The following LRRTM4 variants were observed in gnomAD, a reference collection of about 807,000 sequenced individuals.
LRRTM4 encodes the protein leucine rich repeat transmembrane neuronal 4.
A neutral mutation model predicts 47.6 loss-of-function variants in LRRTM4; 25 were observed. That is an observed-to-expected ratio of 0.53 (90% CI 0.38 to 0.73). The LOEUF is 0.73. Ranked by LOEUF, LRRTM4 falls within the 30% of genes least tolerant of loss-of-function variation. The pLI is 0.00. For missense variants in LRRTM4, 638 were observed against 713.4 expected, an observed-to-expected ratio of 0.89 and a Z score of 1.20; for synonymous variants, 311 against 269.5, an observed-to-expected ratio of 1.15 and a Z score of -1.51.
chr2:77,461,778 G>A (rs2103973579), intron 3 of LRRTM4, among the ~76,000 whole-genome samples: 1 of 152,118 alleles, frequency 6.6e-6, no homozygotes, highest in African/African-American at 2.4e-5. Context: ...TTGTTCTCTT[G>A]CTCTGGGAAT....
intron 3 of LRRTM4, among the ~76,000 whole-genome samples, chr2:77,072,415 T>C (rs1401172610): frequency 1.3e-5 from 2 of 152,152 alleles, no homozygotes; most frequent in African/African-American, 2.4e-5. Flanking sequence ...TCTAAACACA[T>C]AAATATATTT....
At chr2:77,367,068 ATC>A (rs1317401397) in intron 3 of LRRTM4, among the ~76,000 whole-genome samples, 3 of 151,664 alleles carry the variant, frequency 2.0e-5, no homozygotes, top group African/African-American at 7.3e-5. Flanking sequence ...CTATTTGTCA[ATC>A]TCTCATATTC....
chr2:77,130,992 G>A (rs1195607012), intron 3 of LRRTM4, among the ~76,000 whole-genome samples: 2 of 142,220 alleles, frequency 1.4e-5, no homozygotes, highest in Admixed American at 1.4e-4. Flanking sequence ...CCGCCACTAC[G>A]CCCGGCTAAT....
At chr2:77,182,247 AG>A (rs1171656535) in intron 3 of LRRTM4, among the ~76,000 whole-genome samples, 7 of 152,324 alleles carry the variant, frequency 4.6e-5, no homozygotes, top group African/African-American at 1.7e-4. Flanking sequence ...AGCCATAAAA[AG>A]GAATGAGATC....
intron 3 of LRRTM4, among the ~76,000 whole-genome samples, chr2:77,249,415 G>A (rs1675541410): frequency 6.6e-6 from 1 of 151,854 alleles, no homozygotes; most frequent in Admixed American, 6.6e-5. Context: ...CCAAGAGTAT[G>A]AAATGAGAAG....
Position 77,149,893 on chromosome 2 carries a change from C to T in LRRTM4, c.1551+368425G>A, listed in dbSNP as rs182974981. Among the ~76,000 whole-genome samples the T allele has an allele frequency of 2.3e-3, 343 of 152,224 alleles. 11 individuals are homozygous for T. The South Asian group carries it at 0.054, about 24-fold the overall frequency. ...TGATAGAGCTCTCTCCTTGGTTTTG[C>T]CCAGGAGCCCACATAGCTCACTTAC... On this transcript the variant is annotated intron_variant, in intron 3 of 3. Coordinates refer to ENST00000409884, the MANE Select transcript of LRRTM4 (RefSeq NM_001134745.3).
intron 3 of LRRTM4, among the ~76,000 whole-genome samples, chr2:76,914,265 A>G (rs1553430335): frequency 6.6e-6 from 1 of 151,930 alleles, no homozygotes; most frequent in Non-Finnish European, 1.5e-5. Flanking sequence ...ATAATTTAAT[A>G]TATTTTATAA....
At chr2:76,886,862 A>T (rs778669625) in intron 3 of LRRTM4, among the ~76,000 whole-genome samples, 9 of 152,012 alleles carry the variant, frequency 5.9e-5, no homozygotes, top group Non-Finnish European at 1.2e-4. Flanking sequence ...TTTTATTTTG[A>T]GAGGGTATGT....
chr2:76,787,859 T>C (rs1400844), intron 3 of LRRTM4, among the ~76,000 whole-genome samples: 64,552 of 152,020 alleles, frequency 0.42, 14,795 homozygotes, highest in Non-Finnish European at 0.52. Flanking sequence ...TTAGGCAAAT[T>C]TGTGCTCCTT....
intron 3 of LRRTM4, among the ~76,000 whole-genome samples, chr2:77,121,932 G>A (rs983313325): frequency 7.9e-5 from 12 of 151,762 alleles, no homozygotes; most frequent in Middle Eastern, 3.2e-3. Context: ...TATTCTGAAT[G>A]TTATTTTGTA....
Position 76,793,526 on chromosome 2 carries a change from C to T in LRRTM4, c.1552-44610G>A, listed in dbSNP as rs192102245. On this transcript the variant is annotated intron_variant, in intron 3 of 3. Coordinates refer to ENST00000409884, the MANE Select transcript of LRRTM4 (RefSeq NM_001134745.3). ...TTATTTGTGGACAATATCTAGGCAT[C>T]AAAGAGCTACATTGTATTTTTATAT... Among the ~76,000 whole-genome samples the T allele has an allele frequency of 5.7e-4, 87 of 152,004 alleles. 1 individual carries two copies. The highest frequency in any genetic ancestry group is 9.1e-4 in the Non-Finnish European group (62 of 67,984).
At position 77,051,108 on chromosome 2, in the gene LRRTM4, C is replaced by A. The variant is rs183677773; in HGVS notation, c.1552-302192G>T. Among the ~76,000 whole-genome samples the A allele has an allele frequency of 3.8e-4, 58 of 151,324 alleles. No individual in the cohort carries two copies. The East Asian group carries it at 6.8e-3, about 18-fold the overall frequency. ...CTCTCCATGGGATATTTGGTAATGT[C>A]TGCAGATATTTTTGATAGTTAGGAT... On this transcript the variant is annotated intron_variant, in intron 3 of 3. Coordinates refer to ENST00000409884, the MANE Select transcript of LRRTM4 (RefSeq NM_001134745.3).
At chr2:77,306,379 T>C (rs1036758662) in intron 3 of LRRTM4, among the ~76,000 whole-genome samples, 3 of 152,158 alleles carry the variant, frequency 2.0e-5, no homozygotes, top group Non-Finnish European at 4.4e-5. Context: ...TTGCAATAGC[T>C]CTACTGCAAC....
intron 3 of LRRTM4, among the ~76,000 whole-genome samples, chr2:76,855,651 A>G (rs1672127425): frequency 1.3e-5 from 2 of 152,198 alleles, no homozygotes; most frequent in Non-Finnish European, 2.9e-5. Context: ...ACATGCTAAA[A>G]ATGTAAAAAT....
intron 3 of LRRTM4, among the ~76,000 whole-genome samples, chr2:76,837,817 T>G (rs1671559411): frequency 6.6e-6 from 1 of 151,978 alleles, no homozygotes; most frequent in Admixed American, 6.6e-5. Context: ...ATCATCATTC[T>G]CAGTAAACTA....
chr2:76,989,376 G>A (rs1203335911), intron 3 of LRRTM4, among the ~76,000 whole-genome samples: 1 of 151,692 alleles, frequency 6.6e-6, no homozygotes, highest in East Asian at 1.9e-4. Flanking sequence ...ATGATCTAAG[G>A]GTTTGAAGCG....
At chr2:76,785,283 TCTG>T (rs1393892828) in intron 3 of LRRTM4, among the ~76,000 whole-genome samples, 4 of 152,148 alleles carry the variant, frequency 2.6e-5, no homozygotes, top group African/African-American at 7.2e-5. Flanking sequence ...GGACTACAGT[TCTG>T]CTCCTCAAGT....
At chr2:77,110,686 G>T (rs539021983) in intron 3 of LRRTM4, among the ~76,000 whole-genome samples, 5 of 152,200 alleles carry the variant, frequency 3.3e-5, no homozygotes, top group Admixed American at 3.3e-4. Context: ...TATTGAAGTA[G>T]TATGCAATTA....
intron 3 of LRRTM4, among the ~76,000 whole-genome samples, chr2:76,955,706 CAGA>C (rs1573364908): frequency 6.6e-6 from 1 of 151,672 alleles, no homozygotes; most frequent in African/African-American, 2.4e-5. Flanking sequence ...CACCTAAAAA[CAGA>C]AGAAGATGCA....
Sources: allele counts gnomAD v4.1 joint callset (sites outside exome capture counted in the v4.1 genomes callset), GRCh38; gene constraint gnomAD v4.1.1; transcripts MANE v1.5; gene names NCBI Gene and HGNC (gene_info 2026-07-23, HGNC 2026-07-21).